The following NEMP2 variants were observed in gnomAD, a reference collection of about 807,000 sequenced individuals.
The protein encoded by NEMP2 is UPF0571 transmembrane protein.
Under a neutral mutation model 54.2 loss-of-function variants are expected in NEMP2, and 53 were observed. The observed-to-expected ratio is 0.98, with a 90% CI of 0.78 to 1.23. NEMP2 has a LOEUF of 1.23. Among genes scored for constraint, NEMP2 ranks in the 50% most tolerant of loss-of-function variants. NEMP2 has a pLI of 0.00. For synonymous variants in NEMP2, 197 were observed against 190.3 expected (o/e 1.04, Z -0.29); for missense variants, 455 against 511.3 (o/e 0.89, Z 1.06).
At chr2:190,562,343 C>T in the NEMP2 span, among the ~76,000 whole-genome samples, 2 of 152,170 alleles carry the variant, frequency 1.3e-5, no homozygotes, top group Admixed American at 6.5e-5. This position sits in a 1 kb window ranked among gnomAD's most constrained non-coding sequence, Gnocchi z 5.0. Flanking sequence ...ACAGCAGCAC[C>T]ACGGTGGGGC....
At chr2:190,623,182 G>C in the NEMP2 span, among the ~76,000 whole-genome samples, 1 of 151,778 alleles carries the variant, frequency 6.6e-6, no homozygotes, top group Admixed American at 6.6e-5. Context: ...ACAAAACAAG[G>C]GAAAAATGTT....
At chr2:190,454,932 GTATGTATATGTATATGTA>G in the NEMP2 span, among the ~76,000 whole-genome samples, 3,432 of 132,870 alleles carry the variant, frequency 0.026, 89 homozygotes, top group African/African-American at 0.062. This position sits in a 1 kb window ranked among gnomAD's most constrained non-coding sequence, Gnocchi z 4.6. Context: ...CCTGGTTTCT[GTATGTATATGTATATGTA>G]TATGTATATG....
the NEMP2 span, among the ~76,000 whole-genome samples, chr2:190,431,234 C>G: frequency 2.7e-5 from 4 of 150,556 alleles, no homozygotes; most frequent in African/African-American, 9.8e-5. This position sits in a 1 kb window ranked among gnomAD's most constrained non-coding sequence, Gnocchi z 4.4. Flanking sequence ...GGCAGCCAGG[C>G]AGAGGGGCTC....
At chr2:190,547,417 G>T in the NEMP2 span, among the ~76,000 whole-genome samples, 1 of 152,142 alleles carries the variant, frequency 6.6e-6, no homozygotes, top group African/African-American at 2.4e-5. This position sits in a 1 kb window ranked among gnomAD's most constrained non-coding sequence, Gnocchi z 6.2. Context: ...AATGGGAGTT[G>T]CTTCTGCACC....
At chr2:190,450,184 G>A in the NEMP2 span, among the ~76,000 whole-genome samples, 5 of 152,038 alleles carry the variant, frequency 3.3e-5, no homozygotes, top group Non-Finnish European at 7.4e-5. Flanking sequence ...CGTTTTTATT[G>A]TACAAGTCAA....
chr2:190,632,892 G>A, the NEMP2 span, among the ~76,000 whole-genome samples: 2 of 152,124 alleles, frequency 1.3e-5, no homozygotes, highest in Admixed American at 6.5e-5. This position sits in a 1 kb window ranked among gnomAD's most constrained non-coding sequence, Gnocchi z 4.8. Context: ...CCCATCCACA[G>A]ATAACCTGTT....
chr2:190,483,626 A>G, the NEMP2 span, among the ~76,000 whole-genome samples: 4 of 152,028 alleles, frequency 2.6e-5, no homozygotes, highest in Non-Finnish European at 5.9e-5. Context: ...CACGAGGTCA[A>G]GAGATCAAGA....
the NEMP2 span, chr2:190,488,935 A>G: frequency 2.9e-6 from 3 of 1,019,300 alleles, no homozygotes; most frequent in Non-Finnish European, 4.1e-6. The surrounding 1 kb of genome is among the most constrained non-coding windows in gnomAD (Gnocchi z 6.4). Context: ...AAATTCCAGT[A>G]TTCATAATCT....
the NEMP2 span, among the ~76,000 whole-genome samples, chr2:190,586,669 C>T: frequency 6.6e-6 from 1 of 152,094 alleles, no homozygotes; most frequent in Non-Finnish European, 1.5e-5. The surrounding 1 kb of genome is among the most constrained non-coding windows in gnomAD (Gnocchi z 4.5). Flanking sequence ...TCAATACCAA[C>T]CCCAACTAAG....
At chr2:190,616,510 T>A in the NEMP2 span, among the ~76,000 whole-genome samples, 1 of 152,244 alleles carries the variant, frequency 6.6e-6, no homozygotes, top group South Asian at 2.1e-4. This position sits in a 1 kb window ranked among gnomAD's most constrained non-coding sequence, Gnocchi z 5.1. Flanking sequence ...TGTATTTGAT[T>A]AGAACAGTAA....
chr2:190,596,951 G>C, the NEMP2 span, among the ~76,000 whole-genome samples: 40 of 152,194 alleles, frequency 2.6e-4, no homozygotes, highest in Admixed American at 2.4e-3. The surrounding 1 kb of genome is among the most constrained non-coding windows in gnomAD (Gnocchi z 5.1). Flanking sequence ...TTTTTAAAAA[G>C]GATTATTTGC....
the NEMP2 span, among the ~76,000 whole-genome samples, chr2:190,497,197 A>C: frequency 6.6e-6 from 1 of 152,136 alleles, no homozygotes; most frequent in Admixed American, 6.5e-5. This position sits in a 1 kb window ranked among gnomAD's most constrained non-coding sequence, Gnocchi z 5.2. Context: ...TGAAAAATAT[A>C]TTTCTTAAAT....
Position 190,527,926 on chromosome 2 carries a change from T to C in NEMP2, c.98-2548A>G, listed in dbSNP as rs562155444. 6.6e-6 allele frequency among the ~76,000 whole-genome samples: 1 copy of C among 152,154 alleles called. No individual in the cohort carries two copies. The highest frequency in any genetic ancestry group is 1.5e-5 in the Non-Finnish European group (1 of 68,016). On this transcript the variant is annotated intron_variant, in intron 1 of 8. Transcript: ENST00000409150. The surrounding 1 kb of genome is among the most constrained non-coding windows in gnomAD (Gnocchi z 4.0). Reference sequence around the variant, plus strand: ...CCCAAAACCACCCCAACCCCACTCCTATCCTGTGGAAAAACTGTCTTCCAT... The same window carrying C: ...CCCAAAACCACCCCAACCCCACTCCCATCCTGTGGAAAAACTGTCTTCCAT...
chr2:190,490,016 C>T, the NEMP2 span: 2 of 616,090 alleles, frequency 3.2e-6, no homozygotes, highest in Admixed American at 6.7e-5. This position sits in a 1 kb window ranked among gnomAD's most constrained non-coding sequence, Gnocchi z 4.5. Flanking sequence ...TTCATGTGGA[C>T]TATTGTTAAA....
the NEMP2 span, chr2:190,435,264 T>A: frequency 6.6e-6 from 1 of 152,246 alleles, no homozygotes; most frequent in East Asian, 1.9e-4. Context: ...ATAGGGCTAT[T>A]GTGATGAATA....
chr2:190,545,700 A>C, the NEMP2 span, among the ~76,000 whole-genome samples: 4 of 152,176 alleles, frequency 2.6e-5, no homozygotes, highest in African/African-American at 9.7e-5. Context: ...ATTTTTAAAA[A>C]GGGGTGGGTG....
the NEMP2 span, among the ~76,000 whole-genome samples, chr2:190,599,927 C>T: frequency 6.6e-6 from 1 of 152,088 alleles, no homozygotes; most frequent in Non-Finnish European, 1.5e-5. Flanking sequence ...GAGTCAGATC[C>T]AATGACCTCT....
chr2:190,606,570 G>A, the NEMP2 span, among the ~76,000 whole-genome samples: 1 of 152,134 alleles, frequency 6.6e-6, no homozygotes, highest in African/African-American at 2.4e-5. Context: ...AAATTAGCCG[G>A]GTGTGGTGGG....
Position 190,523,465 on chromosome 2 carries a change from C to T in NEMP2, c.213+1798G>A, listed in dbSNP as rs183001054. 9.9e-5 allele frequency among the ~76,000 whole-genome samples: 15 copies of T among 152,132 alleles called. No homozygotes were observed. The East Asian group carries it at 2.7e-3, about 27-fold the overall frequency. On this transcript the variant is annotated intron_variant, in intron 2 of 8. Transcript: ENST00000409150. The surrounding 1 kb of genome is among the most constrained non-coding windows in gnomAD (Gnocchi z 5.3). ...CGAAAACTGGAAAACTAGCATGAAC[C>T]CTGTGGTATTGGAGATCTCAGAACT...
Sources: gnomAD v4.1 joint callset for allele counts (sites outside exome capture counted in the v4.1 genomes callset) on GRCh38, gnomAD v4.1.1 for gene constraint, Gnocchi (gnomAD v3.1) non-coding constraint, MANE v1.5 for transcripts, NCBI Gene and HGNC (gene_info 2026-07-23, HGNC 2026-07-21) for gene names.